The following TOPBP1 variants were observed in gnomAD, a reference collection of about 807,000 sequenced individuals.
TOPBP1 encodes the protein DNA topoisomerase 2-binding protein 1.
In TOPBP1, 28 loss-of-function variants were observed where a neutral mutation model predicts 167.7. The observed-to-expected ratio is 0.17, with a 90% CI of 0.12 to 0.23. The LOEUF is 0.23. Among genes scored for constraint, TOPBP1 ranks in the 10% least tolerant of loss-of-function variants. TOPBP1 has a pLI of 1.00. For synonymous variants in TOPBP1, 598 were observed against 611.4 expected (o/e 0.98, Z 0.32); for missense variants, 1,554 against 1,809.6 (o/e 0.86, Z 2.56).
At chr3:133,606,467 T>C (rs1212350711) in intron 27 of TOPBP1, among the ~76,000 whole-genome samples, 3 of 150,418 alleles carry the variant, frequency 2.0e-5, no homozygotes, top group Admixed American at 2.0e-4. Flanking sequence ...ATAGAGTCAG[T>C]GCAATCCTAA....
intron 21 of TOPBP1, 135 bp downstream of exon 21, chr3:133,618,078 C>T: frequency 1.4e-6 from 1 of 720,986 alleles, no homozygotes; most frequent in East Asian, 2.8e-5. Context: ...AAGTTTAAAC[C>T]AAAACCAGAA....
At chr3:133,647,423 T>C (rs1936114772) in intron 10 of TOPBP1, among the ~76,000 whole-genome samples, 1 of 152,222 alleles carries the variant, frequency 6.6e-6, no homozygotes, top group Non-Finnish European at 1.5e-5. Context: ...CCTAGAGTCC[T>C]AGTAAGTACA....
At chr3:133,650,993 A>G (rs1312755854) in intron 8 of TOPBP1, among the ~76,000 whole-genome samples, 1 of 151,822 alleles carries the variant, frequency 6.6e-6, no homozygotes, top group Non-Finnish European at 1.5e-5. Flanking sequence ...ACTACTTAGG[A>G]GGCTGAGGCA....
At chr3:133,652,290 G>T (rs932028968) in intron 8 of TOPBP1, among the ~76,000 whole-genome samples, 173 bp downstream of exon 8, 1 of 152,186 alleles carries the variant, frequency 6.6e-6, no homozygotes, top group Non-Finnish European at 1.5e-5. Context: ...TGCAGGCAGA[G>T]GGACTCTCGC....
intron 2 of TOPBP1, 116 bp from the exon 3 acceptor site, chr3:133,659,266 A>C: frequency 9.4e-7 from 1 of 1,068,322 alleles, no homozygotes; most frequent in Non-Finnish European, 1.3e-6. Context: ...ATCACATCTC[A>C]CTTAGACCTC....
chr3:133,644,006 T>C lies in TOPBP1; in HGVS notation c.1848+14A>G, dbSNP rs763349015. On this transcript the variant is annotated intron_variant, in intron 11 of 27. Coordinates refer to ENST00000260810, the MANE Select transcript of TOPBP1 (RefSeq NM_007027.4). ...TCCTTCGATACTTTATTTCAACCACTAGTGTTGTCTTACCAGCCATGTATT... is the reference window on the plus strand; with the variant it reads ...TCCTTCGATACTTTATTTCAACCACCAGTGTTGTCTTACCAGCCATGTATT... 3.8e-6 allele frequency: 6 copies of C among 1,576,276 alleles called. No homozygotes were observed. In the Admixed American group the frequency reaches 1.1e-4, roughly 30 times the overall value.
rs769117744 is a variant in TOPBP1, at chr3:133,642,219, A to AC, written c.2021+980dup. On this transcript the variant is annotated intron_variant, in intron 12 of 27. Transcript: ENST00000260810. ...ACTATGTTGTACAGGCTGGTCTTGA[A>AC]CTCCTGAGCTCAAGCAATCTTTTAG... is the stretch of plus-strand genomic sequence containing the variant. Among the ~76,000 whole-genome samples, 82 of 151,564 alleles carry AC rather than the reference A, an allele frequency of 5.4e-4. 1 individual carries two copies. The highest frequency in any genetic ancestry group is 3.4e-3 in the Middle Eastern group (1 of 294).
intron 13 of TOPBP1, among the ~76,000 whole-genome samples, chr3:133,639,701 G>T (rs1207908547): frequency 6.6e-6 from 1 of 152,130 alleles, no homozygotes; most frequent in African/African-American, 2.4e-5. Flanking sequence ...GTGGTCTACA[G>T]GAAACATGCA....
chr3:133,612,670 CA>C, intron 23 of TOPBP1, 118 bp from the exon 24 acceptor site: 10 of 872,582 alleles, frequency 1.1e-5, no homozygotes, highest in African/African-American at 1.7e-5. Context: ...CCATTTAAAC[CA>C]AAAAAACTTG....
chr3:133,618,532 T>C (rs940044302), intron 20 of TOPBP1, 99 bp from the exon 21 acceptor site: 37 of 1,029,424 alleles, frequency 3.6e-5, no homozygotes, highest in Non-Finnish European at 2.2e-5. Flanking sequence ...CACCTTTATA[T>C]GCCCACCATC....
At chr3:133,641,514 T>C (rs890519523) in intron 12 of TOPBP1, among the ~76,000 whole-genome samples, 1 of 152,174 alleles carries the variant, frequency 6.6e-6, no homozygotes, top group Non-Finnish European at 1.5e-5. Flanking sequence ...TACAGATTTA[T>C]GCTACATTGC....
At position 133,638,008 on chromosome 3, in the gene TOPBP1, T is replaced by G; in HGVS notation, c.2388A>C (p.Ser796=). The part of the protein sequence containing the change: ...FQSKAFRAVV[S]QHARQVAASP... ...AGGCTGCGACCTGTCTGGCATGTTG[T>G]GAGACCACAGCACGGAAAGCTTTAC... Residue 796 remains serine, a synonymous_variant, in exon 14 of 28, where the codon TCA becomes TCC. Transcript: ENST00000260810. The G allele has an allele frequency of 6.2e-7, 1 of 1,614,002 alleles. No homozygotes were observed. The highest frequency in any genetic ancestry group is 8.5e-7 in the Non-Finnish European group (1 of 1,179,876).
chr3:133,661,270 C>G, intron 1 of TOPBP1, 136 bp from the exon 2 acceptor site: 1 of 628,558 alleles, frequency 1.6e-6, no homozygotes. Flanking sequence ...AATTCGTCAA[C>G]GGCATTTCTA....
chr3:133,617,348 A>G, intron 21 of TOPBP1, 22 bp from the exon 22 acceptor site: 1 of 1,574,944 alleles, frequency 6.3e-7, no homozygotes, highest in Non-Finnish European at 8.6e-7. Context: ...AAAATGCTGC[A>G]GTGTGACAGG....
chr3:133,626,635 G>A (rs1016755300), intron 16 of TOPBP1, among the ~76,000 whole-genome samples: 3 of 152,068 alleles, frequency 2.0e-5, no homozygotes, highest in Non-Finnish European at 2.9e-5. Context: ...TCCCCAGATC[G>A]GTCTCAGCCT....
Position 133,617,185 on chromosome 3 carries a change from G to A in TOPBP1, c.3734C>T (p.Pro1245Leu), listed in dbSNP as rs773409775. The change falls in exon 22 of 28, where the codon CCT (proline) becomes CTT (leucine). Residue 1245 changes from proline (P) to leucine (L), a missense_variant. By Grantham distance (98) the Pro-to-Leu change is moderately conservative. Around this residue, in one of 3 missense-constraint regions of TOPBP1, gnomAD observed 351 missense variants for 432.9 expected, o/e 0.81. Coordinates refer to ENST00000260810, the MANE Select transcript of TOPBP1 (RefSeq NM_007027.4). ...CTTTTCTCTAGGGTGCGGAGCCACA[G>A]GGGGGTTGGCGAGTGGAAAGGCAAT... ...PSIAFPLANP[P>L]VAPHPREKII... 3.7e-6 allele frequency: 6 copies of A among 1,612,370 alleles called. No homozygotes were observed. Among genetic ancestry groups the A allele is most frequent in the Non-Finnish European group, 5.1e-6 (6 of 1,179,304 alleles).
At chr3:133,623,567 T>G in intron 17 of TOPBP1, 110 bp from the exon 18 acceptor site, 1 of 1,242,582 alleles carries the variant, frequency 8.0e-7, no homozygotes, top group Non-Finnish European at 1.0e-6. Flanking sequence ...TGGCAAAAAG[T>G]TCACAAAACT....
At chr3:133,609,253 T>G (rs1934596890) in intron 25 of TOPBP1, among the ~76,000 whole-genome samples, 1 of 152,144 alleles carries the variant, frequency 6.6e-6, no homozygotes, top group South Asian at 2.1e-4. Flanking sequence ...TTTCTTTTGA[T>G]TAATCAAGGG....
intron 14 of TOPBP1, 91 bp from the exon 15 acceptor site, chr3:133,628,824 GGA>G: frequency 2.3e-6 from 3 of 1,301,808 alleles, no homozygotes; most frequent in Non-Finnish European, 3.2e-6. Context: ...AGAAAGAGGA[GGA>G]GAGAGGGGTA....
Sources: gnomAD v4.1 joint callset for allele counts (sites outside exome capture counted in the v4.1 genomes callset) on GRCh38, gnomAD v4.1.1 for gene constraint, gnomAD v4.1.1 regional missense constraint, MANE v1.5 for transcripts, NCBI Gene and HGNC (gene_info 2026-07-23, HGNC 2026-07-21) for gene names.